Variants in DENND4A observed in about 807,000 individuals in gnomAD.
The protein encoded by DENND4A is C-myc promoter-binding protein.
DENND4A carries 70 observed loss-of-function variants against 199.3 expected under a neutral mutation model. The ratio of observed to expected loss-of-function variants is 0.35; its 90% confidence interval spans 0.29 to 0.43. The LOEUF is 0.43. Ranked by LOEUF, DENND4A falls within the 20% of genes least tolerant of loss-of-function variation. The pLI is 1.00. For missense variants in DENND4A, 1,723 were observed against 2,255.8 expected (o/e 0.76, Z 4.78); for synonymous variants, 686 against 766.9 (o/e 0.89, Z 1.74).
chr15:65,727,439 C>T (rs763835167), intron 11 of DENND4A, among the ~76,000 whole-genome samples: 23 of 127,788 alleles, frequency 1.8e-4, no homozygotes, highest in South Asian at 4.9e-4. Flanking sequence ...GGTGACAAAG[C>T]GAGACTCCGT....
Position 65,669,996 on chromosome 15 carries a change from G to GA in DENND4A, c.4640+16dup. ...GGGAACATGATCCTTAAACATGAAG[G>GA]AAAAAAATATCATTACCTTCCAGGT... On this transcript the variant is annotated intron_variant, in intron 26 of 32. Coordinates refer to ENST00000443035, the MANE Select transcript of DENND4A (RefSeq NM_001320835.1). 1 of 1,583,682 alleles carries GA rather than the reference G, an allele frequency of 6.3e-7. No individual in the cohort carries two copies. Among genetic ancestry groups the GA allele is most frequent in the Non-Finnish European group, 8.6e-7 (1 of 1,163,980 alleles).
chr15:65,716,616 G>A (rs538150616), intron 13 of DENND4A, among the ~76,000 whole-genome samples: 1 of 151,904 alleles, frequency 6.6e-6, no homozygotes, highest in South Asian at 2.1e-4. Flanking sequence ...TGGTATATAC[G>A]TGCCACATTT....
intron 1 of DENND4A, among the ~76,000 whole-genome samples, chr15:65,777,354 A>T (rs1567103236): frequency 6.6e-6 from 1 of 151,474 alleles, no homozygotes; most frequent in African/African-American, 2.4e-5. Flanking sequence ...TAAATTACAA[A>T]CAATTTTTTT....
intron 4 of DENND4A, among the ~76,000 whole-genome samples, chr15:65,745,910 G>A (rs892032680): frequency 3.3e-5 from 5 of 151,864 alleles, no homozygotes; most frequent in African/African-American, 9.7e-5. Flanking sequence ...GAGGTGGGCG[G>A]ATCACCTGAG....
intron 6 of DENND4A, 41 bp from the exon 7 acceptor site, chr15:65,737,986 C>A: frequency 1.3e-6 from 2 of 1,514,948 alleles, no homozygotes; most frequent in Middle Eastern, 3.4e-4. Context: ...TACTTTGTAT[C>A]ATATATCCAA....
At chr15:65,754,711 T>C (rs1398809310) in intron 3 of DENND4A, among the ~76,000 whole-genome samples, 1 of 152,214 alleles carries the variant, frequency 6.6e-6, no homozygotes, top group African/African-American at 2.4e-5. Flanking sequence ...CAAGACCATA[T>C]GAGATACCAT....
At position 65,750,205 on chromosome 15, in the gene DENND4A, C is replaced by T. The variant is rs75784689; in HGVS notation, c.561+2174G>A. On this transcript the variant is annotated intron_variant, in intron 4 of 32. Transcript: ENST00000443035. ...CAGCAACGTGGATGCAGCTGGAGGT[C>T]ATCATCCTAAGCAAACTAATGCAGA... Among the ~76,000 whole-genome samples, 88 of 152,226 alleles carry T rather than the reference C, an allele frequency of 5.8e-4. 2 individuals are homozygous for T. In the East Asian group the frequency reaches 0.014, roughly 24 times the overall value.
At chr15:65,734,409 A>G (rs1447974087) in intron 7 of DENND4A, among the ~76,000 whole-genome samples, 1 of 151,920 alleles carries the variant, frequency 6.6e-6, no homozygotes, top group Non-Finnish European at 1.5e-5. Context: ...TGTGACCCTG[A>G]CACATCCCCC....
At chr15:65,722,655 G>GA (rs34218157) in intron 12 of DENND4A, among the ~76,000 whole-genome samples, 193 bp downstream of exon 12, 159 of 142,752 alleles carry the variant, frequency 1.1e-3, no homozygotes, top group East Asian at 2.0e-3. Flanking sequence ...ACTCCGTCTC[G>GA]AAAAAAAAAA....
chr15:65,729,762 T>A, intron 9 of DENND4A, 84 bp from the exon 10 acceptor site: 1 of 1,260,852 alleles, frequency 7.9e-7, no homozygotes, highest in South Asian at 1.6e-5. Flanking sequence ...AAGTAGTTGA[T>A]TAGAGTAGGA....
chr15:65,690,197 C>G (rs2076923855), intron 23 of DENND4A, among the ~76,000 whole-genome samples: 1 of 152,210 alleles, frequency 6.6e-6, no homozygotes, highest in Non-Finnish European at 1.5e-5. Context: ...CTACAAATCA[C>G]TCTTTCAAAA....
Position 65,661,969 on chromosome 15 carries a change from T to C in DENND4A, c.5606A>G (p.Tyr1869Cys). 6.2e-7 allele frequency: 1 copy of C among 1,610,748 alleles called. No individual in the cohort carries two copies. The highest frequency in any genetic ancestry group is 8.5e-7 in the Non-Finnish European group (1 of 1,178,576). ...NIDIDAFDKEYKMAYDRLTPS... is the reference protein window; with the variant it reads ...NIDIDAFDKECKMAYDRLTPS... ...TGTGAGACGATCGTATGCCATCTTGTACTCTTTATCAAAAGCATCTGCAGA... is the reference window on the plus strand; with the variant it reads ...TGTGAGACGATCGTATGCCATCTTGCACTCTTTATCAAAAGCATCTGCAGA... The change falls in exon 33 of 33, where the codon TAC (tyrosine) becomes TGC (cysteine). Residue 1869 changes from tyrosine to cysteine, a missense_variant. Coordinates refer to ENST00000443035, the MANE Select transcript of DENND4A (RefSeq NM_001320835.1).
chr15:65,675,303 A>T (rs946706491), intron 24 of DENND4A, among the ~76,000 whole-genome samples: 1 of 152,200 alleles, frequency 6.6e-6, no homozygotes, highest in East Asian at 1.9e-4. Flanking sequence ...GGCCCCAGAA[A>T]ATATTAAGAA....
chr15:65,743,150 A>C (rs760126201), intron 4 of DENND4A, among the ~76,000 whole-genome samples: 15 of 152,118 alleles, frequency 9.9e-5, no homozygotes, highest in Non-Finnish European at 2.2e-4. Context: ...TCACTACATA[A>C]ACGAGTGATC....
chr15:65,791,877 G>A (rs2077741046), intron 1 of DENND4A, 133 bp downstream of exon 1: 1 of 152,290 alleles, frequency 6.6e-6, no homozygotes, highest in Non-Finnish European at 1.5e-5. Context: ...AGGAGCTCTC[G>A]GGCGGAGATC....
Position 65,752,463 on chromosome 15 carries a change from A to G in DENND4A, c.477T>C (p.Thr159=), listed in dbSNP as rs778444957. 6.2e-7 allele frequency: 1 copy of G among 1,613,714 alleles called. No individual in the cohort carries two copies. The highest frequency in any genetic ancestry group is 1.1e-5 in the South Asian group (1 of 91,066). Residue 159 remains threonine, a synonymous_variant, in exon 4 of 33, where the codon ACT becomes ACC. Transcript: ENST00000443035. ...TACTGGGTATAATAATACATATGTC[A>G]GTGACAGCCAACGTATTCTGAGTCA... is the stretch of plus-strand genomic sequence containing the variant. ...ENMTQNTLAV[T]DICIIIPSKG... is the part of the protein sequence containing the mutation.
At chr15:65,757,769 G>C (rs2076746644) in intron 2 of DENND4A, among the ~76,000 whole-genome samples, 1 of 152,138 alleles carries the variant, frequency 6.6e-6, no homozygotes. Flanking sequence ...GATTACCTGA[G>C]GTCGGGAGTT....
chr15:65,709,264 C>A (rs921583029), intron 14 of DENND4A, among the ~76,000 whole-genome samples: 3 of 152,096 alleles, frequency 2.0e-5, no homozygotes, highest in Non-Finnish European at 4.4e-5. Context: ...ATAGTAAGCA[C>A]TGATTTTTTG....
intron 23 of DENND4A, among the ~76,000 whole-genome samples, chr15:65,689,926 C>T (rs2076915493): frequency 1.3e-5 from 2 of 152,184 alleles, no homozygotes; most frequent in Non-Finnish European, 2.9e-5. Context: ...AGAATCCTGC[C>T]TCTCTGCTTT....
Sources: gnomAD v4.1 joint callset for allele counts (sites outside exome capture counted in the v4.1 genomes callset) on GRCh38, gnomAD v4.1.1 for gene constraint, MANE v1.5 for transcripts, NCBI Gene and HGNC (gene_info 2026-07-23, HGNC 2026-07-21) for gene names.